KLHL8: variants seen among roughly 807,000 people sequenced by gnomAD.
The protein encoded by KLHL8 is kelch like family member 8, also known as kelch-like protein 8.
KLHL8 carries 38 observed loss-of-function variants against 63.5 expected under a neutral mutation model. The ratio of observed to expected loss-of-function variants is 0.60; its 90% CI spans 0.46 to 0.78. The LOEUF (loss-of-function observed/expected upper bound fraction) is 0.78, where lower values mean the gene tolerates loss of function less well. Among genes scored for constraint, KLHL8 ranks in the 30% least tolerant of loss-of-function variants. The probability of loss-of-function intolerance (pLI) is 0.00; values close to 1 mark genes in which losing one functional copy is unlikely to be tolerated. For synonymous variants in KLHL8, 224 were observed against 254.3 expected (o/e 0.88, Z 1.13); for missense variants, 566 against 752.4 (o/e 0.75, Z 2.90).
chr4:87,180,279 A>C (rs1278021137), intron 4 of KLHL8, among the ~76,000 whole-genome samples: 1 of 152,248 alleles, frequency 6.6e-6, no homozygotes, highest in Non-Finnish European at 1.5e-5. Context: ...TGTATTAAGC[A>C]ATTATGCATT....
At chr4:87,177,893 T>G (rs1489837363) in intron 5 of KLHL8, among the ~76,000 whole-genome samples, 1 of 152,178 alleles carries the variant, frequency 6.6e-6, no homozygotes, top group Non-Finnish European at 1.5e-5. Context: ...ATCAATTTTT[T>G]TCCTCAATAA....
chr4:87,206,783 A>G (rs530466981), intron 1 of KLHL8, among the ~76,000 whole-genome samples: 24 of 152,238 alleles, frequency 1.6e-4, no homozygotes, highest in Non-Finnish European at 3.2e-4. Flanking sequence ...AATTCTCCCA[A>G]TGGGATGTGA....
chr4:87,238,212 G>A (rs913061056), intron 1 of KLHL8, among the ~76,000 whole-genome samples: 6 of 152,150 alleles, frequency 3.9e-5, no homozygotes, highest in African/African-American at 1.4e-4. Context: ...GGGATTACAG[G>A]CGTGAACGTC....
At chr4:87,239,704 T>C (rs867967626) in intron 1 of KLHL8, among the ~76,000 whole-genome samples, 21 of 152,192 alleles carry the variant, frequency 1.4e-4, no homozygotes, top group African/African-American at 4.8e-4. Flanking sequence ...GATGAATTTA[T>C]GAGAACCTTG....
chr4:87,222,579 A>AT (rs1264437254), upstream of KLHL8, among the ~76,000 whole-genome samples: 1 of 151,856 alleles, frequency 6.6e-6, no homozygotes, highest in Non-Finnish European at 1.5e-5. Context: ...TTATTTATTT[A>AT]TTTATTTTAT....
intron 2 of KLHL8, among the ~76,000 whole-genome samples, chr4:87,186,986 A>G (rs534156060): frequency 6.6e-6 from 1 of 151,888 alleles, no homozygotes; most frequent in East Asian, 1.9e-4. Context: ...TAAAAAAAAA[A>G]CACTGCAATC....
At chr4:87,239,090 T>C (rs1459382259) in intron 1 of KLHL8, among the ~76,000 whole-genome samples, 1 of 152,208 alleles carries the variant, frequency 6.6e-6, no homozygotes, top group African/African-American at 2.4e-5. Flanking sequence ...ATATACCTTT[T>C]TCGCACTCAG....
intron 2 of KLHL8, among the ~76,000 whole-genome samples, chr4:87,193,403 T>A (rs897103586): frequency 6.6e-6 from 1 of 152,210 alleles, no homozygotes; most frequent in Non-Finnish European, 1.5e-5. Flanking sequence ...CATGGAGCTG[T>A]CATCTCCTAT....
chr4:87,228,111 T>C (rs771450395), intron 1 of KLHL8, among the ~76,000 whole-genome samples: 74 of 152,194 alleles, frequency 4.9e-4, no homozygotes, highest in Non-Finnish European at 9.3e-4. Flanking sequence ...CAACACCTCC[T>C]GACTCTATGA....
chr4:87,202,943 G>C (rs780000865), intron 1 of KLHL8, among the ~76,000 whole-genome samples: 4 of 152,136 alleles, frequency 2.6e-5, no homozygotes, highest in Middle Eastern at 3.4e-3. Flanking sequence ...GCAAAATATA[G>C]AGAATGATCA....
rs1472827748 is a variant in KLHL8 at position 87,183,278 on chromosome 4, G to A, written c.877C>T (p.His293Tyr). ...RDLLDEARNY[H>Y]LHLSSRAVPD... The stretch of plus-strand genomic sequence containing the variant: ...ACTGCTCTGCTACTCAAGTGAAGGT[G>A]GTAATTTCTTGCTTCATCCAGTAAA... Residue 293 changes from histidine (H) to tyrosine (Y), a missense_variant, in exon 4 of 10, where the codon CAC (histidine) becomes TAC (tyrosine). By Grantham distance (83) the His-to-Tyr change is moderately conservative. Coordinates refer to ENST00000273963, the MANE Select transcript of KLHL8 (RefSeq NM_020803.5). 1 of 1,613,564 alleles carries A rather than the reference G, an allele frequency of 6.2e-7. No homozygotes were observed. Among genetic ancestry groups the A allele is most frequent in the Non-Finnish European group, 8.5e-7 (1 of 1,179,760 alleles).
At chr4:87,198,955 G>A (rs1731807250) in intron 1 of KLHL8, among the ~76,000 whole-genome samples, 1 of 152,164 alleles carries the variant, frequency 6.6e-6, no homozygotes, top group Admixed American at 6.5e-5. Context: ...GAGGGAAACT[G>A]GGTGAAGGAA....
intron 1 of KLHL8, among the ~76,000 whole-genome samples, chr4:87,233,917 A>T (rs1002146170): frequency 2.6e-5 from 4 of 152,256 alleles, no homozygotes; most frequent in African/African-American, 4.8e-5. Flanking sequence ...GAAGCACTCG[A>T]CAATGCATTC....
chr4:87,206,172 G>A (rs1024437276), intron 1 of KLHL8, among the ~76,000 whole-genome samples: 1 of 151,944 alleles, frequency 6.6e-6, no homozygotes, highest in African/African-American at 2.4e-5. Flanking sequence ...TCTTCCTATT[G>A]TCATTGAACT....
intron 2 of KLHL8, among the ~76,000 whole-genome samples, chr4:87,187,244 G>A (rs1240007161): frequency 6.6e-6 from 1 of 152,006 alleles, no homozygotes; most frequent in African/African-American, 2.4e-5. Context: ...TATTGTTGTT[G>A]TTGTTGTACA....
At chr4:87,235,419 G>A (rs1733209063) in intron 1 of KLHL8, among the ~76,000 whole-genome samples, 1 of 152,164 alleles carries the variant, frequency 6.6e-6, no homozygotes, top group Non-Finnish European at 1.5e-5. Context: ...TATAGCCTAG[G>A]TGTGTAGTAG....
At chr4:87,237,826 C>CTAA (rs935731468) in intron 1 of KLHL8, among the ~76,000 whole-genome samples, 1 of 152,028 alleles carries the variant, frequency 6.6e-6, no homozygotes, top group Non-Finnish European at 1.5e-5. Flanking sequence ...GACCCTGTCC[C>CTAA]TAATAATAAT....
rs1225835904 is a variant in KLHL8 at position 87,160,196 on chromosome 4, G to C, written c.*3323C>G. On this transcript the variant is annotated 3_prime_UTR_variant, in exon 10 of 10. Transcript: ENST00000273963. ...GATATCCATAGTTGGTGATATATAT[G>C]ACCACTTATTACATTGATTTTCTGG... 1.3e-5 allele frequency: 2 copies of C among 152,040 alleles called. No individual in the cohort carries two copies. Among genetic ancestry groups the C allele is most frequent in the Non-Finnish European group, 2.9e-5 (2 of 67,998 alleles). 9.4% of individuals were successfully genotyped at this position (152,040 alleles called of 1,614,324 possible). A position where few individuals can be genotyped will look rare whatever the true frequency, so the allele number is the denominator to read the frequency against.
chr4:87,211,033 GC>G (rs1385470834), intron 1 of KLHL8, among the ~76,000 whole-genome samples: 1 of 151,962 alleles, frequency 6.6e-6, no homozygotes, highest in African/African-American at 2.4e-5. Flanking sequence ...CACTACATAA[GC>G]CCCTAAAGTA....
Sources: allele counts gnomAD v4.1 joint callset (sites outside exome capture counted in the v4.1 genomes callset), GRCh38; gene constraint gnomAD v4.1.1; transcripts MANE v1.5; gene names NCBI Gene and HGNC (gene_info 2026-07-23, HGNC 2026-07-21).